Variants in FRMD4B observed in about 807,000 individuals in gnomAD.
FRMD4B encodes the protein FERM domain containing 4B.
Under a neutral mutation model 141.5 loss-of-function variants are expected in FRMD4B, and 74 were observed. That is an observed-to-expected ratio of 0.52 (90% CI 0.43 to 0.63). The LOEUF (loss-of-function observed/expected upper bound fraction) is 0.63. Among genes scored for constraint, FRMD4B ranks in the 30% least tolerant of loss-of-function variants. The pLI, the probability that FRMD4B is intolerant of heterozygous loss-of-function variation, is 0.00. For synonymous variants in FRMD4B, 506 were observed against 467.9 expected, an observed-to-expected ratio of 1.08 and a Z score of -1.05; for missense variants, 1,366 against 1,253.4, an observed-to-expected ratio of 1.09 and a Z score of -1.36.
At chr3:69,377,466 G>A (rs1704002035) in intron 1 of FRMD4B, among the ~76,000 whole-genome samples, 1 of 152,168 alleles carries the variant, frequency 6.6e-6, no homozygotes, top group South Asian at 2.1e-4. Context: ...CTTCAGTGCA[G>A]GCTTTGGTCC....
intron 1 of FRMD4B, among the ~76,000 whole-genome samples, chr3:69,331,452 T>C (rs1702367954): frequency 6.6e-6 from 1 of 152,174 alleles, no homozygotes; most frequent in Non-Finnish European, 1.5e-5. Context: ...CCTCTCTGAG[T>C]AGCTGCTGTA....
chr3:69,505,087 T>A (rs1427419657), intron 1 of FRMD4B, among the ~76,000 whole-genome samples: 1 of 4,312 alleles, frequency 2.3e-4, no homozygotes, highest in African/African-American at 3.0e-3. Flanking sequence ...AAACAAATAG[T>A]GGCCAGCATA....
chr3:69,509,075 A>G (rs1706644845), intron 1 of FRMD4B, among the ~76,000 whole-genome samples: 1 of 152,238 alleles, frequency 6.6e-6, no homozygotes, highest in Non-Finnish European at 1.5e-5. Flanking sequence ...GTCAAGTGAT[A>G]CATGGATGAT....
chr3:69,188,170 G>C (rs976274406), intron 18 of FRMD4B, among the ~76,000 whole-genome samples: 1 of 152,148 alleles, frequency 6.6e-6, no homozygotes, highest in African/African-American at 2.4e-5. Context: ...GTGTCACTTA[G>C]AGTGAGTAAA....
chr3:69,363,760 TG>T (rs1703549371), intron 1 of FRMD4B, among the ~76,000 whole-genome samples: 1 of 152,174 alleles, frequency 6.6e-6, no homozygotes, highest in Non-Finnish European at 1.5e-5. Context: ...CTGGGTCCTA[TG>T]TTTACCCTTA....
At chr3:69,288,911 A>C (rs1206716579) in intron 4 of FRMD4B, among the ~76,000 whole-genome samples, 1 of 152,200 alleles carries the variant, frequency 6.6e-6, no homozygotes, top group East Asian at 1.9e-4. Context: ...ACCTTTGATA[A>C]ATAAATGCAG....
At chr3:69,277,886 C>T (rs188294397) in intron 5 of FRMD4B, among the ~76,000 whole-genome samples, 3 of 148,452 alleles carry the variant, frequency 2.0e-5, no homozygotes, top group East Asian at 2.0e-4. Flanking sequence ...GACAGAGTCT[C>T]GCTCTGTCTC....
intron 10 of FRMD4B, among the ~76,000 whole-genome samples, chr3:69,217,822 A>C (rs1184643713): frequency 6.6e-6 from 1 of 152,176 alleles, no homozygotes; most frequent in Non-Finnish European, 1.5e-5. Flanking sequence ...TCATCTCATC[A>C]TCTCAAAATA....
intron 8 of FRMD4B, among the ~76,000 whole-genome samples, chr3:69,223,813 A>G (rs916986258): frequency 6.6e-6 from 1 of 152,340 alleles, no homozygotes; most frequent in Admixed American, 6.5e-5. Context: ...TAGGCGACAG[A>G]GCAAGACTCT....
intron 1 of FRMD4B, among the ~76,000 whole-genome samples, chr3:69,324,039 TACAATC>T (rs541859801): frequency 5.0e-4 from 76 of 152,290 alleles, no homozygotes; most frequent in African/African-American, 1.8e-3. Flanking sequence ...AGAAAGGTTT[TACAATC>T]ACCATCCCTT....
chr3:69,351,181 T>C (rs1330497265), intron 1 of FRMD4B, among the ~76,000 whole-genome samples: 1 of 152,178 alleles, frequency 6.6e-6, no homozygotes, highest in Non-Finnish European at 1.5e-5. Flanking sequence ...CCAAATCACA[T>C]AAACATATAT....
chr3:69,243,997 C>G (rs899393959), intron 7 of FRMD4B, among the ~76,000 whole-genome samples: 1 of 151,930 alleles, frequency 6.6e-6, no homozygotes, highest in Non-Finnish European at 1.5e-5. Flanking sequence ...TGTGAGCAAC[C>G]TCACACCACT....
intron 1 of FRMD4B, among the ~76,000 whole-genome samples, chr3:69,456,043 G>A (rs1273128947): frequency 2.0e-5 from 3 of 152,176 alleles, no homozygotes; most frequent in Non-Finnish European, 4.4e-5. Context: ...CTGGCACGTG[G>A]TGAAGGCAGT....
chr3:69,315,788 T>C (rs1701788331), intron 1 of FRMD4B, among the ~76,000 whole-genome samples: 1 of 152,244 alleles, frequency 6.6e-6, no homozygotes, highest in African/African-American at 2.4e-5. Flanking sequence ...TCTAGCTTTG[T>C]CCATGGATGT....
At chr3:69,532,834 G>A (rs1701024326) in intron 1 of FRMD4B, among the ~76,000 whole-genome samples, 1 of 152,212 alleles carries the variant, frequency 6.6e-6, no homozygotes, top group Admixed American at 6.5e-5. Context: ...TCCATTGTTG[G>A]GTCCCCCACT....
chr3:69,216,382 T>C (rs754385948), intron 10 of FRMD4B, 33 bp from the exon 11 acceptor site: 7 of 1,062,326 alleles, frequency 6.6e-6, no homozygotes, highest in Non-Finnish European at 8.6e-6. Context: ...AACCAAGACC[T>C]AGCTGTTAAC....
intron 1 of FRMD4B, among the ~76,000 whole-genome samples, chr3:69,464,020 C>T (rs1705743441): frequency 1.3e-5 from 2 of 152,162 alleles, no homozygotes; most frequent in Admixed American, 6.5e-5. Flanking sequence ...TGAAGCCTCA[C>T]CTTGATCCAT....
intron 1 of FRMD4B, chr3:69,536,676 A>T: frequency 1.3e-6 from 1 of 779,792 alleles, no homozygotes; most frequent in Non-Finnish European, 2.3e-6. Flanking sequence ...GTCACTGGTG[A>T]CACTCCCAGG....
At chr3:69,212,773 C>A (rs1009864770) in intron 11 of FRMD4B, among the ~76,000 whole-genome samples, 1 of 152,160 alleles carries the variant, frequency 6.6e-6, no homozygotes, top group Non-Finnish European at 1.5e-5. Context: ...TAATAAATTA[C>A]TTGTGAGTTG....
Sources: allele counts gnomAD v4.1 joint callset (sites outside exome capture counted in the v4.1 genomes callset), GRCh38; gene constraint gnomAD v4.1.1; transcripts MANE v1.5; gene names NCBI Gene and HGNC (gene_info 2026-07-23, HGNC 2026-07-21).